Variants in SUCLA2 observed in about 807,000 individuals in gnomAD.
The protein encoded by SUCLA2 is succinate-CoA ligase ADP-forming subunit beta.
Under a neutral mutation model 54.8 loss-of-function variants are expected in SUCLA2, and 30 were observed. The observed-to-expected ratio is 0.55, with a 90% CI of 0.41 to 0.74. The LOEUF is 0.74. SUCLA2 is among the 30% of genes least tolerant of loss of function. The pLI is 0.00. For missense variants in SUCLA2, 476 were observed against 562.9 expected, an observed-to-expected ratio of 0.85 and a Z score of 1.56; for synonymous variants, 172 against 188.9, an observed-to-expected ratio of 0.91 and a Z score of 0.74.
intron 6 of SUCLA2, among the ~76,000 whole-genome samples, chr13:47,967,569 A>C (rs1489043915): frequency 1.3e-5 from 2 of 152,182 alleles, no homozygotes; most frequent in Non-Finnish European, 2.9e-5. Context: ...GGCTGGGCGC[A>C]GTGACTCACG....
intron 4 of SUCLA2, among the ~76,000 whole-genome samples, chr13:47,975,550 C>A (rs188578218): frequency 6.6e-6 from 1 of 151,514 alleles, no homozygotes; most frequent in Non-Finnish European, 1.5e-5. Flanking sequence ...GTTTAGAGAA[C>A]GAAACAGTCC....
intron 4 of SUCLA2, among the ~76,000 whole-genome samples, chr13:47,986,768 G>A (rs79517204): frequency 1.3e-5 from 2 of 152,042 alleles, no homozygotes; most frequent in African/African-American, 4.8e-5. Context: ...TGCATGGCTA[G>A]CCTGTTCTCC....
At chr13:47,999,929 G>A (rs1021465174) in intron 1 of SUCLA2, among the ~76,000 whole-genome samples, 1 of 151,640 alleles carries the variant, frequency 6.6e-6, no homozygotes, top group Non-Finnish European at 1.5e-5. Context: ...AGAAATGAAG[G>A]CTTTTAAATG....
At chr13:47,953,711 A>C (rs1446108428) in intron 8 of SUCLA2, among the ~76,000 whole-genome samples, 4 of 152,154 alleles carry the variant, frequency 2.6e-5, no homozygotes, top group African/African-American at 9.6e-5. Context: ...TCAGTGAAGA[A>C]TTCTCGGTTT....
intron 4 of SUCLA2, among the ~76,000 whole-genome samples, chr13:47,975,834 A>G (rs902915745): frequency 5.9e-5 from 9 of 152,184 alleles, no homozygotes; most frequent in African/African-American, 2.2e-4. Flanking sequence ...CAGGTGGGCA[A>G]TGGCCATGCC....
At chr13:47,988,831 C>A (rs754517318) in intron 3 of SUCLA2, 51 bp downstream of exon 3, 19 of 1,594,092 alleles carry the variant, frequency 1.2e-5, no homozygotes, top group East Asian at 6.7e-5. Flanking sequence ...AATAAGTAAT[C>A]TTTAATCAGT....
intron 8 of SUCLA2, among the ~76,000 whole-genome samples, chr13:47,951,493 C>A (rs974462279): frequency 1.3e-5 from 2 of 152,178 alleles, no homozygotes; most frequent in African/African-American, 4.8e-5. Context: ...TGCCATCCTA[C>A]TTCAAACAAT....
Position 47,945,249 on chromosome 13 carries a change from TAAAAAAAAAA to T in SUCLA2, c.1318-1814_1318-1805del, listed in dbSNP as rs35349385. On this transcript the variant is annotated intron_variant, in intron 10 of 10. Transcript: ENST00000646932. ...GGGCAACAAGACCAAAACTCTGTCT[TAAAAAAAAAA>T]AAAAAAAAAAAAAATTAGCTGGGCG... Among the ~76,000 whole-genome samples, 6 of 85,192 alleles carry T rather than the reference TAAAAAAAAAA, an allele frequency of 7.0e-5. No homozygotes were observed. In the South Asian group the frequency reaches 1.3e-3, roughly 19 times the overall value. 55.9% of individuals were successfully genotyped at this position (85,192 alleles called of 152,430 possible). A position where few individuals can be genotyped will look rare whatever the true frequency, so the allele number is the denominator to read the frequency against.
chr13:47,954,206 A>G lies in SUCLA2; in HGVS notation c.1041T>C (p.Asp347=), dbSNP rs1949799787. The part of the protein sequence containing the change: ...LHGGTPANFL[D]VGGGATVHQV... ...GATGGACTGTAGCACCACCACCAAC[A>G]TCAAGGAAGTTGGCTGGAGTCCCTC... The change falls in exon 8 of 11, where the codon GAT becomes GAC. Residue 347 remains aspartate (D), a synonymous_variant. Coordinates refer to ENST00000646932, the MANE Select transcript of SUCLA2 (RefSeq NM_003850.3). 6.2e-7 allele frequency: 1 copy of G among 1,613,820 alleles called. No individual in the cohort carries two copies. The highest frequency in any genetic ancestry group is 1.7e-5 in the Admixed American group (1 of 59,962).
intron 6 of SUCLA2, among the ~76,000 whole-genome samples, chr13:47,965,093 A>T (rs573376109): frequency 1.3e-5 from 2 of 152,108 alleles, no homozygotes; most frequent in African/African-American, 4.8e-5. Flanking sequence ...TAACTCATTG[A>T]TTAAAGAATG....
intron 6 of SUCLA2, among the ~76,000 whole-genome samples, chr13:47,964,683 C>T (rs1283740201): frequency 1.3e-5 from 2 of 151,932 alleles, no homozygotes; most frequent in Admixed American, 6.6e-5. Context: ...CGGTGAAACC[C>T]CGTCTCTACT....
intron 6 of SUCLA2, among the ~76,000 whole-genome samples, chr13:47,964,330 C>A (rs1029185867): frequency 2.6e-5 from 4 of 151,922 alleles, no homozygotes; most frequent in Non-Finnish European, 5.9e-5. Flanking sequence ...AATTGGTAGA[C>A]AATGTGAATG....
chr13:47,977,419 A>C (rs1322456320), intron 4 of SUCLA2, among the ~76,000 whole-genome samples: 3 of 152,148 alleles, frequency 2.0e-5, no homozygotes, highest in Non-Finnish European at 2.9e-5. Context: ...GAAAATTTCC[A>C]TACTCACTCT....
chr13:47,986,912 T>G (rs1950109316), intron 4 of SUCLA2, among the ~76,000 whole-genome samples: 1 of 152,226 alleles, frequency 6.6e-6, no homozygotes, highest in Non-Finnish European at 1.5e-5. Context: ...TGACTAATTT[T>G]TGTTGTTCAA....
intron 4 of SUCLA2, among the ~76,000 whole-genome samples, chr13:47,976,036 T>C (rs9316340): frequency 0.99 from 150,776 of 152,274 alleles, 74,649 homozygotes; most frequent in East Asian, 1. Context: ...TGCTTGAGTC[T>C]GGGAGTTCGA....
chr13:47,974,892 T>C (rs1286641302), intron 4 of SUCLA2, among the ~76,000 whole-genome samples: 3 of 152,170 alleles, frequency 2.0e-5, no homozygotes, highest in African/African-American at 7.2e-5. Context: ...ACATGTAGTG[T>C]TACGTATGAA....
intron 1 of SUCLA2, among the ~76,000 whole-genome samples, chr13:48,000,470 T>C (rs1396735503): frequency 6.6e-6 from 1 of 152,208 alleles, no homozygotes; most frequent in African/African-American, 2.4e-5. Flanking sequence ...TTCCTCACAG[T>C]TGCTGAAAAA....
chr13:47,949,722 C>T, intron 8 of SUCLA2, 119 bp from the exon 9 acceptor site: 1 of 1,020,848 alleles, frequency 9.8e-7, no homozygotes, highest in South Asian at 1.4e-5. Flanking sequence ...ATTTTCAGAC[C>T]AAACCACAAT....
intron 10 of SUCLA2, 68 bp from the exon 11 acceptor site, chr13:47,943,513 A>C: frequency 7.1e-7 from 1 of 1,407,310 alleles, no homozygotes; most frequent in South Asian, 1.2e-5. Context: ...TGCAAAATTA[A>C]TGTACACTCA....
Sources: allele counts gnomAD v4.1 joint callset (sites outside exome capture counted in the v4.1 genomes callset), GRCh38; gene constraint gnomAD v4.1.1; transcripts MANE v1.5; gene names NCBI Gene and HGNC (gene_info 2026-07-23, HGNC 2026-07-21).